Variants in WDR27 observed in about 807,000 individuals in gnomAD.
WDR27 encodes WD repeat domain 27.
In WDR27, 100 loss-of-function variants were observed where a neutral mutation model predicts 114.4. That is an observed-to-expected ratio of 0.87 (90% confidence interval 0.74 to 1.03). The LOEUF (loss-of-function observed/expected upper bound fraction) is 1.03, where lower values mean the gene tolerates loss of function less well. WDR27 is among the 50% of genes least tolerant of loss of function. WDR27 has a pLI of 0.00. For missense variants in WDR27, 1,129 were observed against 1,092.9 expected (o/e 1.03, Z -0.47); for synonymous variants, 449 against 423.1 (o/e 1.06, Z -0.75).
chr6:169,652,673 T>A (rs1822923884), intron 13 of WDR27, among the ~76,000 whole-genome samples: 1 of 152,242 alleles, frequency 6.6e-6, no homozygotes, highest in Non-Finnish European at 1.5e-5. Context: ...TTACTGTAAA[T>A]GAAACATATC....
chr6:169,529,964 T>C (rs1253950966), intron 25 of WDR27, among the ~76,000 whole-genome samples: 1 of 152,258 alleles, frequency 6.6e-6, no homozygotes, highest in African/African-American at 2.4e-5. Context: ...ACTAAAATGC[T>C]GCAACCTATT....
intron 25 of WDR27, among the ~76,000 whole-genome samples, chr6:169,565,254 C>A (rs558395379): frequency 2.0e-5 from 3 of 152,272 alleles, no homozygotes; most frequent in East Asian, 3.9e-4. Flanking sequence ...TTTCCAAATG[C>A]AAAGCCTAAT....
chr6:169,488,377 A>G (rs996299698), intron 25 of WDR27, among the ~76,000 whole-genome samples: 6 of 152,260 alleles, frequency 3.9e-5, no homozygotes, highest in Non-Finnish European at 5.9e-5. Flanking sequence ...AGCCTCATCC[A>G]TCAAAAGCAG....
At chr6:169,589,725 CAGA>C (rs1366074409) in intron 23 of WDR27, among the ~76,000 whole-genome samples, 2 of 152,102 alleles carry the variant, frequency 1.3e-5, no homozygotes, top group African/African-American at 4.8e-5. Context: ...GTCATAAATA[CAGA>C]AGGACAATAA....
intron 10 of WDR27, 112 bp downstream of exon 10, chr6:169,660,551 T>A (rs187380647): frequency 1.2e-6 from 1 of 855,088 alleles, no homozygotes. Flanking sequence ...GACTGAAGCA[T>A]CTCATCCTCA....
At chr6:169,477,296 T>C (rs1188657388) in intron 25 of WDR27, among the ~76,000 whole-genome samples, 1 of 152,234 alleles carries the variant, frequency 6.6e-6, no homozygotes, top group African/African-American at 2.4e-5. Context: ...ATAATTGCCT[T>C]TTTGCATTAT....
At chr6:169,639,056 G>A (rs1818468650) in intron 17 of WDR27, among the ~76,000 whole-genome samples, 1 of 150,368 alleles carries the variant, frequency 6.7e-6, no homozygotes, top group Non-Finnish European at 1.5e-5. Context: ...GGTACTGTGT[G>A]GTGCTAGGGT....
At chr6:169,476,590 G>T (rs1198270447) in intron 25 of WDR27, among the ~76,000 whole-genome samples, 1 of 152,034 alleles carries the variant, frequency 6.6e-6, no homozygotes, top group African/African-American at 2.4e-5. Flanking sequence ...ACTCCACCAT[G>T]CTTCGTCACC....
chr6:169,447,670 C>T, the WDR27 span, among the ~76,000 whole-genome samples: 2 of 152,114 alleles, frequency 1.3e-5, no homozygotes, highest in East Asian at 1.9e-4. Context: ...GTGGGTGGAC[C>T]GACACAGGTG....
intron 22 of WDR27, among the ~76,000 whole-genome samples, chr6:169,606,367 T>C (rs796867460): frequency 1.4e-4 from 21 of 152,312 alleles, no homozygotes; most frequent in African/African-American, 5.1e-4. Flanking sequence ...TTTGTTAACA[T>C]AGGTAACATG....
chr6:169,558,120 C>T (rs1799172278), intron 25 of WDR27, among the ~76,000 whole-genome samples: 1 of 151,894 alleles, frequency 6.6e-6, no homozygotes, highest in Non-Finnish European at 1.5e-5. Flanking sequence ...TGGTCTAAGT[C>T]CAATACTCCC....
At chr6:169,492,694 T>G (rs1382967674) in intron 25 of WDR27, among the ~76,000 whole-genome samples, 1 of 151,552 alleles carries the variant, frequency 6.6e-6, no homozygotes, top group Non-Finnish European at 1.5e-5. Flanking sequence ...TGAATTTCAG[T>G]GAAAGAATGG....
chr6:169,552,873 T>C (rs1798336358), intron 25 of WDR27, among the ~76,000 whole-genome samples: 1 of 152,310 alleles, frequency 6.6e-6, no homozygotes, highest in East Asian at 1.9e-4. Flanking sequence ...GACGTCCTCA[T>C]TGCATGAACT....
the WDR27 span, among the ~76,000 whole-genome samples, chr6:169,443,420 T>G: frequency 8.1e-5 from 8 of 98,962 alleles, no homozygotes. Context: ...AATACTACTT[T>G]ACAGTAACAT....
chr6:169,518,760 C>A (rs1793993566), intron 25 of WDR27, among the ~76,000 whole-genome samples: 1 of 152,230 alleles, frequency 6.6e-6, no homozygotes, highest in Non-Finnish European at 1.5e-5. Context: ...AATTCCTCCC[C>A]TGAAAATGCT....
chr6:169,428,493 TA>T, the WDR27 span, among the ~76,000 whole-genome samples: 1 of 151,090 alleles, frequency 6.6e-6, no homozygotes, highest in Non-Finnish European at 1.5e-5. Context: ...GTGAACATAT[TA>T]ACGAATGTTT....
In WDR27 at chr6:169,643,729, G is replaced by A; in HGVS notation, c.1715C>T (p.Ala572Val). 6.2e-7 allele frequency: 1 copy of A among 1,613,610 alleles called. No homozygotes were observed. Among genetic ancestry groups the A allele is most frequent in the Non-Finnish European group, 8.5e-7 (1 of 1,179,716 alleles). Residue 572 changes from alanine to valine, a missense_variant, in exon 17 of 26, where the codon GCC becomes GTC. By Grantham distance (64) the Ala-to-Val change is moderately conservative. Coordinates refer to ENST00000448612, the MANE Select transcript of WDR27 (RefSeq NM_182552.5). ...LANHLLLVFD[A>V]SLTGTPAVFS... Reference sequence around the variant, plus strand: ...CACAGCAGGTGTCCCAGTCAGGCTGGCATCAAAAACGAGTAACAGATGGTT... The same window carrying A: ...CACAGCAGGTGTCCCAGTCAGGCTGACATCAAAAACGAGTAACAGATGGTT...
intron 25 of WDR27, among the ~76,000 whole-genome samples, chr6:169,490,221 T>A (rs925255962): frequency 6.6e-6 from 1 of 152,222 alleles, no homozygotes; most frequent in Admixed American, 6.5e-5. Flanking sequence ...TTTACTAGAA[T>A]AGGTTTAACC....
intron 22 of WDR27, among the ~76,000 whole-genome samples, chr6:169,605,178 C>T (rs1808879244): frequency 6.8e-6 from 1 of 147,918 alleles, no homozygotes; most frequent in African/African-American, 2.5e-5. Context: ...TCAAATTATC[C>T]CTGCTCACTG....
Sources: allele counts gnomAD v4.1 joint callset (sites outside exome capture counted in the v4.1 genomes callset), GRCh38; gene constraint gnomAD v4.1.1; transcripts MANE v1.5; gene names NCBI Gene and HGNC (gene_info 2026-07-23, HGNC 2026-07-21).